TENM1: variants seen among roughly 807,000 people sequenced by gnomAD.
The protein encoded by TENM1 is teneurin transmembrane protein 1, also known as teneurin-1.
In TENM1, 35 loss-of-function variants were observed where a neutral mutation model predicts 174.8. That is an observed-to-expected ratio of 0.20 (90% CI 0.15 to 0.27). TENM1 has a LOEUF of 0.27. TENM1 is among the 10% of genes least tolerant of loss of function. The pLI is 1.00. For synonymous variants in TENM1, 781 were observed against 798.7 expected, an observed-to-expected ratio of 0.98 and a Z score of 0.37; for missense variants, 1,633 against 2,130.1, an observed-to-expected ratio of 0.77 and a Z score of 4.59.
At chrX:124,837,052 T>C (rs942966428) in intron 3 of TENM1, among the ~76,000 whole-genome samples, 3 of 112,375 alleles carry the variant, frequency 2.7e-5, no homozygotes, top group Non-Finnish European at 3.8e-5. Flanking sequence ...GCCCTGGGTT[T>C]TGTCATCCAA....
intron 3 of TENM1, among the ~76,000 whole-genome samples, chrX:124,799,129 C>T (rs186003502): frequency 8.4e-4 from 93 of 111,209 alleles, no homozygotes; most frequent in African/African-American, 2.9e-3. Context: ...AGCATGATGC[C>T]CCCAGCTTTA....
intron 15 of TENM1, among the ~76,000 whole-genome samples, chrX:124,531,310 G>A (rs1443562804): frequency 9.1e-6 from 1 of 109,359 alleles, no homozygotes; most frequent in Middle Eastern, 4.7e-3. Context: ...GGAATGTAAA[G>A]GCTCATGGCC....
chrX:125,074,100 G>C, the TENM1 span, among the ~76,000 whole-genome samples: 2 of 111,326 alleles, frequency 1.8e-5, no homozygotes, highest in African/African-American at 6.5e-5. Context: ...TTCTCCCCCA[G>C]TGACCTCACT....
At chrX:124,880,470 GAC>G (rs951688728) in intron 3 of TENM1, among the ~76,000 whole-genome samples, 1 of 111,963 alleles carries the variant, frequency 8.9e-6, no homozygotes, top group Non-Finnish European at 1.9e-5. Flanking sequence ...CATCTGCAAA[GAC>G]AGAACATTTG....
exon 5 of TENM1, chrX:124,705,121 G>T (rs753260336): frequency 8.3e-7 from 1 of 1,211,390 alleles, no homozygotes; most frequent in East Asian, 3.0e-5. Flanking sequence ...GTAAAGGCAG[G>T]TCGGGAAAAG....
At chrX:124,864,019 C>A (rs963990644) in intron 3 of TENM1, among the ~76,000 whole-genome samples, 1 of 112,447 alleles carries the variant, frequency 8.9e-6, no homozygotes. Context: ...GGTACCTCTA[C>A]GAGTCTGCAA....
the TENM1 span, among the ~76,000 whole-genome samples, chrX:125,069,603 G>A: frequency 9.1e-6 from 1 of 110,210 alleles, no homozygotes; most frequent in Admixed American, 9.7e-5. Flanking sequence ...CCTGTTGGGG[G>A]CTGGGAATAC....
chrX:125,178,577 G>A, the TENM1 span, among the ~76,000 whole-genome samples: 1 of 111,486 alleles, frequency 9.0e-6, no homozygotes, highest in Non-Finnish European at 1.9e-5. Flanking sequence ...AGGTCAATCT[G>A]TATGGTACTC....
chrX:125,046,541 A>G, the TENM1 span, among the ~76,000 whole-genome samples: 2 of 112,151 alleles, frequency 1.8e-5, no homozygotes, highest in Non-Finnish European at 3.8e-5. Flanking sequence ...TCCATCCTCA[A>G]ATGGGCCAAT....
At chrX:124,515,976 C>T (rs2047694005) in intron 18 of TENM1, among the ~76,000 whole-genome samples, 1 of 111,420 alleles carries the variant, frequency 9.0e-6, no homozygotes, top group Non-Finnish European at 1.9e-5. Flanking sequence ...GTAACCAAAA[C>T]AGCATGGTAC....
the TENM1 span, among the ~76,000 whole-genome samples, chrX:125,054,077 G>A: frequency 8.9e-6 from 1 of 112,071 alleles, no homozygotes; most frequent in African/African-American, 3.2e-5. Flanking sequence ...CATGAGGTAA[G>A]TAAACTAGTA....
At chrX:124,589,680 T>G (rs749946378) in intron 11 of TENM1, among the ~76,000 whole-genome samples, 64 of 111,423 alleles carry the variant, frequency 5.7e-4, no homozygotes, top group Non-Finnish European at 5.6e-5. Context: ...CCATTTCCTC[T>G]AGACTTTCTA....
chrX:124,543,667 T>C (rs912594561), intron 15 of TENM1, among the ~76,000 whole-genome samples: 4 of 112,389 alleles, frequency 3.6e-5, no homozygotes, highest in Non-Finnish European at 3.8e-5. Context: ...GCTCGTAGAA[T>C]ATGTGGTTTA....
intron 20 of TENM1, among the ~76,000 whole-genome samples, chrX:124,491,386 C>T (rs1408233603): frequency 8.9e-6 from 1 of 111,785 alleles, no homozygotes; most frequent in Admixed American, 9.5e-5. Flanking sequence ...GGTCTGCATA[C>T]ATGGAGCAAA....
At chrX:124,695,680 C>G (rs1351116199) in intron 5 of TENM1, among the ~76,000 whole-genome samples, 1 of 111,882 alleles carries the variant, frequency 8.9e-6, no homozygotes, top group Non-Finnish European at 1.9e-5. Context: ...TGCATGCTAA[C>G]AATGAATTAT....
chrX:124,994,116 T>C, the TENM1 span, among the ~76,000 whole-genome samples: 10 of 109,921 alleles, frequency 9.1e-5, no homozygotes, highest in African/African-American at 3.3e-4. Flanking sequence ...GTAATCATAA[T>C]ACATATAGGT....
At position 124,953,303 on chromosome X, in the gene TENM1, A is replaced by G. The variant is rs887831625; in HGVS notation, c.217+10234T>C. 3.6e-5 allele frequency among the ~76,000 whole-genome samples: 4 copies of G among 112,231 alleles called. No homozygotes were observed. In the Admixed American group the frequency reaches 3.8e-4, roughly 11 times the overall value. ...TTTGGATATAGTTCCAATAAATCCT[A>G]TGAACTGAAACCCTCCGAGGTTCCC... On this transcript the variant is annotated intron_variant, in intron 1 of 31. Coordinates refer to ENST00000422452, the Ensembl canonical transcript of TENM1.
At position 124,561,720 on chromosome X, in the gene TENM1, GCAGC is replaced by G; in HGVS notation, c.2381_2384del (p.Gly794AlafsTer20). 1 of 1,210,693 alleles carries G rather than the reference GCAGC, an allele frequency of 8.3e-7. No homozygotes were observed. Among genetic ancestry groups the G allele is most frequent in the Non-Finnish European group, 1.1e-6 (1 of 895,033 alleles). On this transcript the variant is annotated frameshift_variant, in exon 14 of 32. Coordinates refer to ENST00000422452, the Ensembl canonical transcript of TENM1. LOFTEE classifies it high-confidence loss of function. ...CACAAAGCATTTCCATGACAACATT[GCAGC>G]CTGTCCCACTCCAACCCACCTGACA... is the stretch of plus-strand genomic sequence containing the variant.
chrX:124,680,973 C>T lies in TENM1; in HGVS notation c.1016-9138G>A, dbSNP rs758967417. On this transcript the variant is annotated intron_variant, in intron 5 of 31. Coordinates refer to ENST00000422452, the Ensembl canonical transcript of TENM1. ...GTGACTATAGAGAGTAAGAAATAGA[C>T]ATACACAGCTATCTCTTCCTCTTAC... 8.1e-5 allele frequency among the ~76,000 whole-genome samples: 9 copies of T among 111,267 alleles called. No individual in the cohort carries two copies. In the South Asian group the frequency reaches 3.3e-3, roughly 41 times the overall value.
Sources: gnomAD v4.1 joint callset for allele counts (sites outside exome capture counted in the v4.1 genomes callset) on GRCh38, gnomAD v4.1.1 for gene constraint, MANE v1.5 for transcripts, NCBI Gene and HGNC (gene_info 2026-07-23, HGNC 2026-07-21) for gene names.